The following NRG1 variants were observed in gnomAD, a reference collection of about 807,000 sequenced individuals.
NRG1 encodes the protein pro-neuregulin-1, membrane-bound isoform.
A neutral mutation model predicts 63.8 loss-of-function variants in NRG1; 18 were observed. The ratio of observed to expected loss-of-function variants is 0.28; its 90% CI spans 0.19 to 0.42. The LOEUF (loss-of-function observed/expected upper bound fraction) is 0.42, where lower values mean the gene tolerates loss of function less well. NRG1 is among the 10% of genes least tolerant of loss of function. The pLI is 1.00. For missense variants in NRG1, 762 were observed against 814.7 expected (o/e 0.94, Z 0.79); for synonymous variants, 302 against 301.3 (o/e 1.00, Z -0.02).
rs143326754 is a variant in NRG1 at position 32,731,037 on chromosome 8, G to A, written c.632+2959G>A. ...TATGATCATTTTTCATCATCACTTA[G>A]CAAAGATTTACAAGCTGAGTGAGTG... On this transcript the variant is annotated intron_variant, in intron 6 of 11. Transcript: ENST00000356819. Among the ~76,000 whole-genome samples, 211 of 152,138 alleles carry A rather than the reference G, an allele frequency of 1.4e-3. 3 individuals are homozygous for A. The highest frequency in any genetic ancestry group is 5.0e-3 in the African/African-American group (207 of 41,470).
At chr8:31,779,148 A>C (rs1819437697) in intron 1 of NRG1, among the ~76,000 whole-genome samples, 1 of 151,970 alleles carries the variant, frequency 6.6e-6, no homozygotes, top group East Asian at 1.9e-4. Context: ...ATTCTTAAGA[A>C]TCTCTGGACC....
intron 1 of NRG1, among the ~76,000 whole-genome samples, chr8:31,643,030 A>T (rs1295158750): frequency 2.0e-5 from 3 of 152,102 alleles, no homozygotes; most frequent in Non-Finnish European, 4.4e-5. Context: ...GTGTGAATTC[A>T]TCCAGTTGTG....
intron 1 of NRG1, among the ~76,000 whole-genome samples, chr8:31,889,017 G>T (rs991689581): frequency 6.6e-6 from 1 of 152,102 alleles, no homozygotes; most frequent in African/African-American, 2.4e-5. Flanking sequence ...CACACATGGG[G>T]CCTCATTAAA....
chr8:31,900,575 C>T (rs192673452), intron 1 of NRG1, among the ~76,000 whole-genome samples: 1 of 152,256 alleles, frequency 6.6e-6, no homozygotes, highest in Admixed American at 6.5e-5. Flanking sequence ...TCTTTATCAG[C>T]CATGATCAAA....
At chr8:32,703,783 T>A (rs898430187) in intron 5 of NRG1, among the ~76,000 whole-genome samples, 2 of 152,206 alleles carry the variant, frequency 1.3e-5, no homozygotes, top group African/African-American at 4.8e-5. Context: ...AGAAAATTTG[T>A]GGTTGAAAGC....
chr8:32,540,525 C>CA (rs1469938292), intron 1 of NRG1, among the ~76,000 whole-genome samples: 1 of 152,202 alleles, frequency 6.6e-6, no homozygotes, highest in African/African-American at 2.4e-5. Context: ...CTTCCACCTA[C>CA]AAAACCAGAA....
At chr8:31,780,113 C>G (rs1224618295) in intron 1 of NRG1, among the ~76,000 whole-genome samples, 2 of 152,130 alleles carry the variant, frequency 1.3e-5, no homozygotes, top group African/African-American at 2.4e-5. Context: ...TCTTTATAAA[C>G]AGAGGATTTA....
At chr8:31,672,555 G>A (rs1807263285) in intron 1 of NRG1, among the ~76,000 whole-genome samples, 1 of 151,882 alleles carries the variant, frequency 6.6e-6, no homozygotes. Flanking sequence ...GGAAAATTGA[G>A]GTTGTGTTTA....
At chr8:32,392,761 G>T (rs188063366) in intron 1 of NRG1, among the ~76,000 whole-genome samples, 32 of 152,268 alleles carry the variant, frequency 2.1e-4, no homozygotes, top group African/African-American at 7.5e-4. Context: ...TGTGTTTGAT[G>T]ATTTGGGAGT....
chr8:32,599,688 A>C (rs971870641), intron 2 of NRG1, among the ~76,000 whole-genome samples: 1 of 152,156 alleles, frequency 6.6e-6, no homozygotes, highest in Non-Finnish European at 1.5e-5. Flanking sequence ...TGATCAAGAA[A>C]ACTGGTTAAA....
intron 1 of NRG1, among the ~76,000 whole-genome samples, chr8:32,188,712 T>G (rs1332921611): frequency 6.6e-6 from 1 of 152,050 alleles, no homozygotes; most frequent in Non-Finnish European, 1.5e-5. Context: ...GTGTGCTTCC[T>G]CTTCATGTGG....
At chr8:31,746,211 G>A (rs1164520959) in intron 1 of NRG1, among the ~76,000 whole-genome samples, 1 of 151,956 alleles carries the variant, frequency 6.6e-6, no homozygotes, top group Non-Finnish European at 1.5e-5. Flanking sequence ...TGAATACATG[G>A]CCACCAACAA....
At chr8:32,744,151 T>A (rs1427355250) in intron 7 of NRG1, among the ~76,000 whole-genome samples, 2 of 152,148 alleles carry the variant, frequency 1.3e-5, no homozygotes, top group Non-Finnish European at 2.9e-5. Flanking sequence ...GATTTACCCT[T>A]GTTCTGATGC....
chr8:32,569,552 A>T (rs1838117993), intron 1 of NRG1, among the ~76,000 whole-genome samples: 1 of 152,134 alleles, frequency 6.6e-6, no homozygotes, highest in Non-Finnish European at 1.5e-5. Flanking sequence ...TATACTTGGT[A>T]TCTGTCTGAA....
In NRG1 at chr8:32,365,935, C is replaced by T. The variant is rs147358265; in HGVS notation, c.38-229893C>T. ...ATAGGTAGGTCTTGTACAAAACTCT[C>T]CATTTGATTTTATTGTTCTGTCTTT... On this transcript the variant is annotated intron_variant, in intron 1 of 10. Transcript: ENST00000519301. 5.2e-3 allele frequency among the ~76,000 whole-genome samples: 792 copies of T among 152,262 alleles called. 5 individuals carry two copies. Among genetic ancestry groups the T allele is most frequent in the Admixed American group, 9.9e-3 (152 of 15,282 alleles).
Position 32,447,892 on chromosome 8 carries a change from G to A in NRG1, c.38-147936G>A, listed in dbSNP as rs1449426715. On this transcript the variant is annotated intron_variant, in intron 1 of 10. Transcript: ENST00000519301. ...CGTAAAGCAACAGTTTTTCTATAACGGATTGCATGGTAAAAGGAAGGATGA... is the reference window on the plus strand; with the variant it reads ...CGTAAAGCAACAGTTTTTCTATAACAGATTGCATGGTAAAAGGAAGGATGA... 3.3e-5 allele frequency among the ~76,000 whole-genome samples: 5 copies of A among 151,528 alleles called. No homozygotes were observed. The South Asian group carries it at 6.2e-4, about 19-fold the overall frequency.
chr8:32,367,014 A>T (rs1286533599), intron 1 of NRG1, among the ~76,000 whole-genome samples: 1 of 151,914 alleles, frequency 6.6e-6, no homozygotes, highest in Non-Finnish European at 1.5e-5. Flanking sequence ...ATCTGGCCTC[A>T]CATTTTCTTT....
chr8:31,685,378 G>A (rs906099984), intron 1 of NRG1, among the ~76,000 whole-genome samples: 4 of 152,088 alleles, frequency 2.6e-5, no homozygotes, highest in African/African-American at 7.2e-5. Flanking sequence ...GAAATGAAAC[G>A]ACATTTGGGG....
intron 1 of NRG1, among the ~76,000 whole-genome samples, chr8:31,702,375 A>C (rs73239833): frequency 0.15 from 22,476 of 152,116 alleles, 1,819 homozygotes; most frequent in Admixed American, 0.21. Flanking sequence ...ACAGCTAGAC[A>C]CCTTTATGTG....
Sources: allele counts gnomAD v4.1 joint callset (sites outside exome capture counted in the v4.1 genomes callset), GRCh38; gene constraint gnomAD v4.1.1; transcripts MANE v1.5; gene names NCBI Gene and HGNC (gene_info 2026-07-23, HGNC 2026-07-21).